Variants in GLIS2 observed in about 807,000 individuals in gnomAD.
The protein encoded by GLIS2 is GLIS family zinc finger 2.
GLIS2 carries 14 observed loss-of-function variants against 35.6 expected under a neutral mutation model. The observed-to-expected ratio is 0.39, with a 90% CI of 0.26 to 0.61. The LOEUF (loss-of-function observed/expected upper bound fraction) is 0.61. GLIS2 is among the 20% of genes least tolerant of loss of function. GLIS2 has a pLI of 0.48. For missense variants in GLIS2, 675 were observed against 713.4 expected (o/e 0.95, Z 0.61); for synonymous variants, 368 against 325.1 (o/e 1.13, Z -1.42).
chr16:4,328,781 G>C (rs565068303), intron 1 of GLIS2, among the ~76,000 whole-genome samples: 187 of 152,326 alleles, frequency 1.2e-3, no homozygotes, highest in Non-Finnish European at 2.1e-3. Context: ...TCCTCCTGGG[G>C]AAGTGTCCCC....
intron 3 of GLIS2, among the ~76,000 whole-genome samples, chr16:4,333,821 C>T (rs1443464891): frequency 6.6e-6 from 1 of 152,160 alleles, no homozygotes; most frequent in Non-Finnish European, 1.5e-5. Flanking sequence ...CTTATAAAGA[C>T]ACCAGTCATG....
intron 1 of GLIS2, among the ~76,000 whole-genome samples, chr16:4,318,660 G>A (rs1454949970): frequency 6.6e-6 from 1 of 152,206 alleles, no homozygotes; most frequent in Non-Finnish European, 1.5e-5. Flanking sequence ...CCTGGAGGGA[G>A]GCCTGGACCC....
In GLIS2 at chr16:4,337,130, G is replaced by C. The variant is rs1000731089; in HGVS notation, c.1181G>C (p.Gly394Ala). 6.5e-7 allele frequency: 1 copy of C among 1,536,362 alleles called. No homozygotes were observed. The highest frequency in any genetic ancestry group is 8.7e-7 in the Non-Finnish European group (1 of 1,146,548). ...TGTGGCAACGGTGGGGGCAGTGGGG[G>C]TGGGGGGGGCATGGGCCCTGGGCTG... ...LACGNGGGSG[G>A]GGGMGPGLPG... The change falls in exon 7 of 7, where the codon GGT becomes GCT. Residue 394 changes from glycine to alanine, a missense_variant. By Grantham distance (60) the Gly-to-Ala change is moderately conservative. Coordinates refer to ENST00000433375, the MANE Select transcript of GLIS2 (RefSeq NM_032575.3).
chr16:4,332,093 T>TC lies in GLIS2; in HGVS notation c.-66-119dup, dbSNP rs2053502595. On this transcript the variant is annotated intron_variant, in intron 1 of 6. Transcript: ENST00000433375. This position sits in a 1 kb window ranked among gnomAD's most constrained non-coding sequence, Gnocchi z 5.4. Reference sequence around the variant, plus strand: ...TGCCGGCCAGGTCGCTCGGAGGGTCTCCCTACCCAGGAGACAACCTCACAC... The same window carrying TC: ...TGCCGGCCAGGTCGCTCGGAGGGTCTCCCCTACCCAGGAGACAACCTCACAC... 4 of 762,258 alleles carry TC rather than the reference T, an allele frequency of 5.2e-6. No individual in the cohort carries two copies. Among genetic ancestry groups the TC allele is most frequent in the Non-Finnish European group, 8.9e-6 (4 of 451,788 alleles). The allele number at this position is 762,258 out of a possible 1,614,324, so 47.2% of individuals were successfully genotyped here.
intron 1 of GLIS2, among the ~76,000 whole-genome samples, chr16:4,317,022 G>C (rs2053320937): frequency 6.6e-6 from 1 of 152,112 alleles, no homozygotes; most frequent in Admixed American, 6.5e-5. Context: ...GCTGGCACCT[G>C]GAGGCCTTGG....
rs765360012 is a variant in GLIS2, at chr16:4,337,164, C to T, written c.1215C>T (p.Pro405=). 26 of 1,540,864 alleles carry T rather than the reference C, an allele frequency of 1.7e-5. No individual in the cohort carries two copies. In the South Asian group the frequency reaches 2.5e-4, roughly 15 times the overall value. ...GGGMGPGLPG[P]VLPLNLAKNP... ...GCATGGGCCCTGGGCTGCCAGGCCCCGTCCTGCCTCTCAATCTGGCCAAGA... is the reference window on the plus strand; with the variant it reads ...GCATGGGCCCTGGGCTGCCAGGCCCTGTCCTGCCTCTCAATCTGGCCAAGA... Residue 405 remains proline, a synonymous_variant, in exon 7 of 7, where the codon CCC becomes CCT. Transcript: ENST00000433375.
At chr16:4,315,403 G>A (rs990123698), upstream of GLIS2, 3 of 152,336 alleles carry the variant, frequency 2.0e-5, no homozygotes, top group Non-Finnish European at 4.4e-5. Flanking sequence ...CCCGCAGAGA[G>A]GCATTCCTGC....
chr16:4,320,113 C>T lies in GLIS2; in HGVS notation c.-67+3859C>T, dbSNP rs2141120200. ...GGTGCTTGAGAGGCCAGGTAGTGCCCACCGCAGGGAGGGGCCGGCCTGTGA... is the reference window on the plus strand; with the variant it reads ...GGTGCTTGAGAGGCCAGGTAGTGCCTACCGCAGGGAGGGGCCGGCCTGTGA... On this transcript the variant is annotated intron_variant, in intron 1 of 6. Transcript: ENST00000433375. The surrounding 1 kb of genome is among the most constrained non-coding windows in gnomAD (Gnocchi z 5.6). 6.6e-6 allele frequency among the ~76,000 whole-genome samples: 1 copy of T among 152,228 alleles called. No individual in the cohort carries two copies. The highest frequency in any genetic ancestry group is 3.4e-3 in the Middle Eastern group (1 of 294).
rs530550058 is a variant in GLIS2, at chr16:4,320,088, G to A, written c.-67+3834G>A. Among the ~76,000 whole-genome samples, 2 of 152,212 alleles carry A rather than the reference G, an allele frequency of 1.3e-5. No homozygotes were observed. The highest frequency in any genetic ancestry group is 2.1e-4 in the South Asian group (1 of 4,830). On this transcript the variant is annotated intron_variant, in intron 1 of 6. Transcript: ENST00000433375. This position sits in a 1 kb window ranked among gnomAD's most constrained non-coding sequence, Gnocchi z 5.6. ...TGGGCTCCTCGTGCCCTTTGTCTTC[G>A]GTGCTTGAGAGGCCAGGTAGTGCCC...
At chr16:4,325,055 C>T (rs12599768) in intron 1 of GLIS2, among the ~76,000 whole-genome samples, 30,821 of 152,202 alleles carry the variant, frequency 0.2, 4,843 homozygotes, top group African/African-American at 0.44. Context: ...TCCCAGGAAT[C>T]TGGGGCTGTG....
At position 4,332,255 on chromosome 16, in the gene GLIS2, C is replaced by G; in HGVS notation, c.-26C>G. On this transcript the variant is annotated 5_prime_UTR_variant, in exon 2 of 7. Coordinates refer to ENST00000433375, the MANE Select transcript of GLIS2 (RefSeq NM_032575.3). The surrounding 1 kb of genome is among the most constrained non-coding windows in gnomAD (Gnocchi z 5.4). ...CCAGCTGGGAGCCCACTGCCTGCTG[C>G]CACCTCCAACTCCGGCCCCCTCACC... The G allele has an allele frequency of 6.2e-7, 1 of 1,608,760 alleles. No individual in the cohort carries two copies. The highest frequency in any genetic ancestry group is 8.5e-7 in the Non-Finnish European group (1 of 1,178,452).
At position 4,321,717 on chromosome 16, in the gene GLIS2, T is replaced by A. The variant is rs763601779; in HGVS notation, c.-67+5463T>A. ...GGGGTCTGCTGGTGAGGCCTTCTCTTCAGTAGCCACAGCGGGTTTGGAGCT... is the reference window on the plus strand; with the variant it reads ...GGGGTCTGCTGGTGAGGCCTTCTCTACAGTAGCCACAGCGGGTTTGGAGCT... On this transcript the variant is annotated intron_variant, in intron 1 of 6. Coordinates refer to ENST00000433375, the MANE Select transcript of GLIS2 (RefSeq NM_032575.3). 5.5e-3 allele frequency among the ~76,000 whole-genome samples: 843 copies of A among 152,172 alleles called. 6 individuals are homozygous for A. Among genetic ancestry groups the A allele is most frequent in the Non-Finnish European group, 9.5e-3 (646 of 67,992 alleles).
Position 4,335,368 on chromosome 16 carries a change from G to C in GLIS2, c.750G>C (p.Leu250=). Residue 250 remains leucine, a synonymous_variant, in exon 6 of 7, where the codon CTG becomes CTC. Transcript: ENST00000433375. This position sits in a 1 kb window ranked among gnomAD's most constrained non-coding sequence, Gnocchi z 4.6. ...AGAGCTTCTCCCGCCTGGAGAACCTGAAGATCCACAACCGGTCGCACACAG... is the reference window on the plus strand; with the variant it reads ...AGAGCTTCTCCCGCCTGGAGAACCTCAAGATCCACAACCGGTCGCACACAG... ...CSKSFSRLEN[L]KIHNRSHTGE... is the part of the protein sequence containing the mutation. 6.2e-7 allele frequency: 1 copy of C among 1,613,726 alleles called. No homozygotes were observed. Among genetic ancestry groups the C allele is most frequent in the East Asian group, 2.2e-5 (1 of 44,882 alleles).
Position 4,335,159 on chromosome 16 carries a change from G to A in GLIS2, c.622G>A (p.Gly208Ser). 1 of 1,613,294 alleles carries A rather than the reference G, an allele frequency of 6.2e-7. No homozygotes were observed. Among genetic ancestry groups the A allele is most frequent in the Non-Finnish European group, 8.5e-7 (1 of 1,180,020 alleles). Residue 208 changes from glycine (G) to serine (S), a missense_variant, in exon 5 of 7, where the codon GGC becomes AGC. Gly to Ser is a moderately conservative substitution (Grantham distance 56). Coordinates refer to ENST00000433375, the MANE Select transcript of GLIS2 (RefSeq NM_032575.3). The surrounding 1 kb of genome is among the most constrained non-coding windows in gnomAD (Gnocchi z 4.6). ...TGCGGGGTACTGCTGCCACTGGGAGGGCTGCGCCCGCCATGGCCGAGGTTT... is the reference window on the plus strand; with the variant it reads ...TGCGGGGTACTGCTGCCACTGGGAGAGCTGCGCCCGCCATGGCCGAGGTTT... ...KDAGYCCHWE[G>S]CARHGRGFNA...
At chr16:4,324,739 A>G (rs1201561501) in intron 1 of GLIS2, 3 of 152,302 alleles carry the variant, frequency 2.0e-5, no homozygotes, top group Non-Finnish European at 4.4e-5. Flanking sequence ...GAAGCACTCA[A>G]TAGTGATTGG....
Position 4,337,827 on chromosome 16 carries a change from C to T in GLIS2, c.*303C>T. The stretch of plus-strand genomic sequence containing the variant: ...CCCCTGCCCGACCTCCTCCCGTTTC[C>T]CTCTCCCACCCTGGCACCTCCCTCA... On this transcript the variant is annotated 3_prime_UTR_variant, in exon 7 of 7. Transcript: ENST00000433375. 1.1e-5 allele frequency: 6 copies of T among 541,034 alleles called. No individual in the cohort carries two copies. Among genetic ancestry groups the T allele is most frequent in the South Asian group, 1.0e-4 (5 of 49,070 alleles). The allele number at this position is 541,034 out of a possible 1,614,324, so 33.5% of individuals were successfully genotyped here.
intron 6 of GLIS2, chr16:4,336,451 A>C: frequency 1.7e-6 from 1 of 597,322 alleles, no homozygotes; most frequent in Non-Finnish European, 3.0e-6. Context: ...CCGGCCTCCA[A>C]GGCCATGTTC....
intron 1 of GLIS2, chr16:4,329,005 G>C (rs78821160): frequency 0.024 from 3,725 of 152,312 alleles, 65 homozygotes; most frequent in Middle Eastern, 0.048. Context: ...AGAGGCTGTG[G>C]GGAGGCCTGT....
At chr16:4,324,695 A>G (rs936232713) in intron 1 of GLIS2, 1 of 152,298 alleles carries the variant, frequency 6.6e-6, no homozygotes, top group African/African-American at 2.4e-5. Flanking sequence ...TGTGCCAGGC[A>G]CTGTTCTCCG....
Sources: allele counts gnomAD v4.1 joint callset (sites outside exome capture counted in the v4.1 genomes callset), GRCh38; gene constraint gnomAD v4.1.1; non-coding constraint Gnocchi (gnomAD v3.1); transcripts MANE v1.5; gene names NCBI Gene and HGNC (gene_info 2026-07-23, HGNC 2026-07-21).